The following GALNT10 variants were observed in gnomAD, a reference collection of about 807,000 sequenced individuals.
GALNT10 encodes the protein polypeptide N-acetylgalactosaminyltransferase 10, also known as GalNAc transferase 10.
A neutral mutation model predicts 75.0 loss-of-function variants in GALNT10; 41 were observed. The ratio of observed to expected loss-of-function variants is 0.55; its 90% CI spans 0.43 to 0.71. The LOEUF (loss-of-function observed/expected upper bound fraction) is 0.71. Among genes scored for constraint, GALNT10 ranks in the 30% least tolerant of loss-of-function variants. The pLI, the probability that GALNT10 is intolerant of heterozygous loss-of-function variation, is 0.00. For missense variants in GALNT10, 727 were observed against 818.5 expected (o/e 0.89, Z 1.36); for synonymous variants, 302 against 313.0 (o/e 0.96, Z 0.37).
intron 1 of GALNT10, among the ~76,000 whole-genome samples, chr5:154,211,155 C>T (rs1342080699): frequency 6.6e-6 from 1 of 152,018 alleles, no homozygotes; most frequent in Non-Finnish European, 1.5e-5. Flanking sequence ...AGGAGGACCC[C>T]TCAGGTATAA....
chr5:154,279,296 G>GTTTTTT (rs111488218), intron 1 of GALNT10, among the ~76,000 whole-genome samples: 3 of 83,842 alleles, frequency 3.6e-5, no homozygotes, highest in Admixed American at 1.5e-4. Flanking sequence ...TGTTGTTGTT[G>GTTTTTT]TTGTTTTGTT....
chr5:154,345,657 A>G (rs2443514), intron 4 of GALNT10, among the ~76,000 whole-genome samples: 1 of 134,586 alleles, frequency 7.4e-6, no homozygotes. Context: ...TTTTTTAAGA[A>G]AGAGTTTCAC....
chr5:154,321,083 C>T (rs1040146701), intron 3 of GALNT10, among the ~76,000 whole-genome samples: 1 of 152,092 alleles, frequency 6.6e-6, no homozygotes, highest in East Asian at 1.9e-4. Context: ...CAGCGAACAC[C>T]CATGTTCCCA....
chr5:154,377,335 G>A (rs1392523254), intron 5 of GALNT10, among the ~76,000 whole-genome samples: 2 of 152,208 alleles, frequency 1.3e-5, no homozygotes, highest in Non-Finnish European at 2.9e-5. Context: ...GGCAGACTGG[G>A]GAAGAGTCAT....
intron 1 of GALNT10, chr5:154,220,049 T>C (rs1217692610): frequency 6.6e-6 from 1 of 152,220 alleles, no homozygotes; most frequent in Non-Finnish European, 1.5e-5. Flanking sequence ...GTTTATTTCC[T>C]TTCCATAGGA....
At chr5:154,374,340 C>T (rs1338635008) in intron 4 of GALNT10, among the ~76,000 whole-genome samples, 1 of 152,192 alleles carries the variant, frequency 6.6e-6, no homozygotes, top group Non-Finnish European at 1.5e-5. Flanking sequence ...CATCTTTTCT[C>T]TGTATTCTAA....
intron 1 of GALNT10, among the ~76,000 whole-genome samples, chr5:154,265,021 G>A (rs1753757580): frequency 6.6e-6 from 1 of 152,144 alleles, no homozygotes; most frequent in Non-Finnish European, 1.5e-5. Context: ...CAGTAGTTAG[G>A]CTGACTTTCT....
chr5:154,349,897 G>C (rs997604428), intron 4 of GALNT10, among the ~76,000 whole-genome samples: 1 of 152,100 alleles, frequency 6.6e-6, no homozygotes, highest in South Asian at 2.1e-4. Context: ...GAGCTGTGTT[G>C]TCTGTTACAG....
chr5:154,410,300 C>G (rs1027913657), intron 9 of GALNT10, among the ~76,000 whole-genome samples: 30 of 151,404 alleles, frequency 2.0e-4, no homozygotes, highest in African/African-American at 7.0e-4. Flanking sequence ...CTTTGGGAGG[C>G]CAAAGCAGGA....
chr5:154,386,621 G>GGGCCCGGC, intron 7 of GALNT10, 191 bp downstream of exon 7: 1 of 387,274 alleles, frequency 2.6e-6, no homozygotes, highest in Non-Finnish European at 5.0e-6. Flanking sequence ...GTGTGGGAGG[G>GGGCCCGGC]AAGGGGAGTA....
At chr5:154,407,173 G>A (rs977508825) in intron 8 of GALNT10, among the ~76,000 whole-genome samples, 5 of 152,146 alleles carry the variant, frequency 3.3e-5, no homozygotes, top group African/African-American at 4.8e-5. Context: ...AAGGATCCAG[G>A]CAAATCTCTG....
chr5:154,199,668 G>A (rs1215644605), intron 1 of GALNT10, among the ~76,000 whole-genome samples: 2 of 152,170 alleles, frequency 1.3e-5, no homozygotes, highest in African/African-American at 2.4e-5. Context: ...GCAAGGATGA[G>A]GTAGGTGCCT....
intron 1 of GALNT10, among the ~76,000 whole-genome samples, chr5:154,267,753 C>T (rs186556299): frequency 1.3e-5 from 2 of 152,254 alleles, no homozygotes; most frequent in East Asian, 3.9e-4. Context: ...GTGATTTTCC[C>T]AGATTTCCCA....
At chr5:154,345,052 C>T (rs1022555684) in intron 4 of GALNT10, among the ~76,000 whole-genome samples, 25 of 152,186 alleles carry the variant, frequency 1.6e-4, no homozygotes, top group African/African-American at 5.5e-4. Context: ...GGCAAATCTG[C>T]CAGCAGCAGG....
chr5:154,297,025 T>A (rs1467033736), intron 2 of GALNT10, among the ~76,000 whole-genome samples: 3 of 152,202 alleles, frequency 2.0e-5, no homozygotes, highest in Non-Finnish European at 2.9e-5. Context: ...GTCCACAAGC[T>A]CCAGAAGGCA....
At chr5:154,231,594 A>G (rs1479531102) in intron 1 of GALNT10, among the ~76,000 whole-genome samples, 4 of 152,070 alleles carry the variant, frequency 2.6e-5, no homozygotes, top group Non-Finnish European at 4.4e-5. Flanking sequence ...TAGTCCTGTT[A>G]ACTATCAAGT....
intron 1 of GALNT10, among the ~76,000 whole-genome samples, chr5:154,206,864 A>G (rs1775118875): frequency 6.6e-6 from 1 of 152,230 alleles, no homozygotes; most frequent in Non-Finnish European, 1.5e-5. Flanking sequence ...GATCAGGGCT[A>G]GGCCTCAGAA....
intron 4 of GALNT10, among the ~76,000 whole-genome samples, chr5:154,373,001 G>T (rs1004958789): frequency 6.6e-6 from 1 of 152,162 alleles, no homozygotes; most frequent in African/African-American, 2.4e-5. Context: ...AAACAGTTCT[G>T]TGCTGTTTAC....
chr5:154,244,392 T>C lies in GALNT10; in HGVS notation c.160-50424T>C, dbSNP rs1041345003. 4.0e-5 allele frequency among the ~76,000 whole-genome samples: 6 copies of C among 151,786 alleles called. No homozygotes were observed. In the East Asian group the frequency reaches 1.2e-3, roughly 29 times the overall value. ...GACCAGCCTGGGCAACATAGTGAGA[T>C]CCTGTCTCTAAAAAATTTTTTTTTA... On this transcript the variant is annotated intron_variant, in intron 1 of 11. Transcript: ENST00000297107.
Sources: allele counts gnomAD v4.1 joint callset (sites outside exome capture counted in the v4.1 genomes callset), GRCh38; gene constraint gnomAD v4.1.1; transcripts MANE v1.5; gene names NCBI Gene and HGNC (gene_info 2026-07-23, HGNC 2026-07-21).